The following WNK3 variants were observed in gnomAD, a reference collection of about 807,000 sequenced individuals.
WNK3 encodes WNK lysine deficient protein kinase 3.
WNK3 carries 18 observed loss-of-function variants against 116.7 expected under a neutral mutation model. The observed-to-expected ratio is 0.15, with a 90% CI of 0.11 to 0.23. WNK3 has a LOEUF of 0.23. Ranked by LOEUF, WNK3 falls within the 10% of genes least tolerant of loss-of-function variation. The probability of loss-of-function intolerance (pLI) is 1.00; values close to 1 mark genes in which losing one functional copy is unlikely to be tolerated. For synonymous variants in WNK3, 404 were observed against 469.4 expected (o/e 0.86, Z 1.80); for missense variants, 993 against 1,323.8 (o/e 0.75, Z 3.88).
At chrX:54,239,036 C>T (rs1557150940) in exon 18 of WNK3, 4 of 1,208,951 alleles carry the variant, frequency 3.3e-6, no homozygotes, top group Non-Finnish European at 4.5e-6. Context: ...ATGGCTCCAC[C>T]GCTTGACACA....
intron 19 of WNK3, 58 bp from the exon 20 acceptor site, chrX:54,237,609 G>A: frequency 9.2e-7 from 1 of 1,083,750 alleles, no homozygotes; most frequent in Non-Finnish European, 1.2e-6. Flanking sequence ...ATGCTCTGCT[G>A]TGATGTATAT....
intron 10 of WNK3, among the ~76,000 whole-genome samples, chrX:54,284,798 C>T (rs782371758): frequency 9.0e-6 from 1 of 110,563 alleles, no homozygotes; most frequent in African/African-American, 3.3e-5. Flanking sequence ...CGGAGAAACC[C>T]CGTCTCTACT....
chrX:54,204,266 A>ACAC (rs1157400979), intron 22 of WNK3, among the ~76,000 whole-genome samples: 1 of 110,136 alleles, frequency 9.1e-6, no homozygotes, highest in Non-Finnish European at 1.9e-5. Flanking sequence ...ATCAAGGCGC[A>ACAC]CACCACCACG....
At position 54,303,600 on chromosome X, in the gene WNK3, C is replaced by T. The variant is rs782326903; in HGVS notation, c.1090-1741G>A. ...GATGAAATTAGGAGTTAATTTAGTT[C>T]CTAAAATGTAGAAGCTTAAGACAGA... On this transcript the variant is annotated intron_variant, in intron 5 of 23. Transcript: ENST00000354646. Among the ~76,000 whole-genome samples the T allele has an allele frequency of 8.1e-5, 9 of 110,664 alleles. No homozygotes were observed. In the East Asian group the frequency reaches 2.6e-3, roughly 31 times the overall value.
intron 2 of WNK3, among the ~76,000 whole-genome samples, chrX:54,328,356 A>G (rs2069129686): frequency 9.0e-6 from 1 of 111,056 alleles, no homozygotes; most frequent in Non-Finnish European, 1.9e-5. Context: ...GGGATTATAA[A>G]TAAGCTAGTT....
intron 22 of WNK3, among the ~76,000 whole-genome samples, chrX:54,221,235 CTAGA>C (rs1350772565): frequency 8.9e-6 from 1 of 111,983 alleles, no homozygotes. Flanking sequence ...TAAAAGAATG[CTAGA>C]TAGTTACTCA....
chrX:54,249,562 C>T lies in WNK3; in HGVS notation c.2786G>A (p.Arg929His), dbSNP rs147109461. The T allele has an allele frequency of 4.8e-5, 58 of 1,209,564 alleles. No individual in the cohort carries two copies. The South Asian group carries it at 6.2e-4, about 13-fold the overall frequency. ...TTCTGATTTGGAGGTGAAAAGTGCA[C>T]GGTGGCATGGATTATTTTCTATAGT... The change falls in exon 17 of 24, where the codon CGT (arginine) becomes CAT (histidine). Residue 929 changes from arginine (R) to histidine (H), a missense_variant. Physicochemically the swap from Arg to His is conservative, Grantham distance 29 (BLOSUM62 0). Transcript: ENST00000354646.
intron 1 of WNK3, among the ~76,000 whole-genome samples, chrX:54,344,531 C>CT (rs1161161570): frequency 8.8e-5 from 10 of 113,149 alleles, no homozygotes; most frequent in Non-Finnish European, 1.9e-4. Flanking sequence ...AGTCTTTCAG[C>CT]TTTGTGGTTC....
At chrX:54,212,663 C>T (rs782619709) in intron 22 of WNK3, among the ~76,000 whole-genome samples, 63 of 111,978 alleles carry the variant, frequency 5.6e-4, no homozygotes, top group Admixed American at 1.0e-3. Context: ...TCTGAAACTA[C>T]GATACCTGTA....
At chrX:54,217,661 A>G (rs1355420259) in intron 22 of WNK3, among the ~76,000 whole-genome samples, 5 of 110,223 alleles carry the variant, frequency 4.5e-5, no homozygotes, top group Non-Finnish European at 7.6e-5. Flanking sequence ...GCATGCACCT[A>G]TTAGTCCCAG....
intron 1 of WNK3, chrX:54,343,696 C>T (rs2069363481): frequency 9.1e-6 from 1 of 110,480 alleles, no homozygotes; most frequent in African/African-American, 3.3e-5. Flanking sequence ...GGGTCTCACT[C>T]TGTCGCCCAG....
At chrX:54,242,662 C>G (rs66537572) in intron 17 of WNK3, among the ~76,000 whole-genome samples, 12,881 of 111,556 alleles carry the variant, frequency 0.12, 1,315 homozygotes, top group African/African-American at 0.33. Flanking sequence ...AATGCCAAGA[C>G]CATTAAATGG....
intron 10 of WNK3, among the ~76,000 whole-genome samples, chrX:54,283,445 C>T (rs1037440093): frequency 9.0e-6 from 1 of 110,738 alleles, no homozygotes; most frequent in Non-Finnish European, 1.9e-5. Flanking sequence ...AATGAGATAC[C>T]ACATCACACC....
chrX:54,200,517 C>A (rs1326536364), intron 23 of WNK3, among the ~76,000 whole-genome samples: 10 of 111,295 alleles, frequency 9.0e-5, no homozygotes, highest in African/African-American at 3.3e-4. Flanking sequence ...CTCATTTAAT[C>A]CTCACAGCAA....
At chrX:54,249,709 G>C in intron 16 of WNK3, 75 bp from the exon 17 acceptor site, 1 of 970,239 alleles carries the variant, frequency 1.0e-6, no homozygotes, top group Non-Finnish European at 1.4e-6. Context: ...AAGTCAAAAG[G>C]AACAGGAGGA....
chrX:54,213,638 T>TA (rs2067649231), intron 22 of WNK3, among the ~76,000 whole-genome samples: 1 of 80,456 alleles, frequency 1.2e-5, no homozygotes, highest in South Asian at 5.1e-4. Flanking sequence ...CAGAAAATAA[T>TA]AAAGAGCAGA....
intron 22 of WNK3, among the ~76,000 whole-genome samples, chrX:54,225,741 TATAG>T (rs2146817554): frequency 9.0e-6 from 1 of 110,582 alleles, no homozygotes; most frequent in African/African-American, 3.3e-5. Context: ...CAAATTGATA[TATAG>T]AGTCAATACT....
At chrX:54,202,319 C>T (rs2067509145) in intron 22 of WNK3, 126 bp from the exon 23 acceptor site, 3 of 574,845 alleles carry the variant, frequency 5.2e-6, no homozygotes, top group Non-Finnish European at 8.1e-6. Flanking sequence ...GGTGAACACA[C>T]ACTCTAGTTT....
At chrX:54,277,874 C>CT (rs1358769888) in intron 10 of WNK3, among the ~76,000 whole-genome samples, 4 of 110,586 alleles carry the variant, frequency 3.6e-5, no homozygotes, top group African/African-American at 9.8e-5. Context: ...GGGTGGACCG[C>CT]TTGAGCCCGG....
Sources: allele counts gnomAD v4.1 joint callset (sites outside exome capture counted in the v4.1 genomes callset), GRCh38; gene constraint gnomAD v4.1.1; transcripts MANE v1.5; gene names NCBI Gene and HGNC (gene_info 2026-07-23, HGNC 2026-07-21).